Variants in SKIL observed in about 807,000 individuals in gnomAD.
SKIL encodes SKI like proto-oncogene, also known as ski-like protein.
SKIL carries 20 observed loss-of-function variants against 69.6 expected under a neutral mutation model. That is an observed-to-expected ratio of 0.29 (90% CI 0.20 to 0.42). The LOEUF (loss-of-function observed/expected upper bound fraction) is 0.42. Ranked by LOEUF, SKIL falls within the 10% of genes least tolerant of loss-of-function variation. The pLI, the probability that SKIL is intolerant of heterozygous loss-of-function variation, is 1.00. For synonymous variants in SKIL, 310 were observed against 279.9 expected, an observed-to-expected ratio of 1.11 and a Z score of -1.08; for missense variants, 745 against 783.1, an observed-to-expected ratio of 0.95 and a Z score of 0.58.
Position 170,392,398 on chromosome 3 carries a change from C to T in SKIL, c.2036C>T (p.Ser679Leu). The T allele has an allele frequency of 6.2e-7, 1 of 1,609,992 alleles. No homozygotes were observed. The highest frequency in any genetic ancestry group is 1.1e-5 in the South Asian group (1 of 90,608). ...CTAAAGCTGCAAATTCTGAAATCATCAAAGACTGCTAAAGAATAGAAACTG... is the reference window on the plus strand; with the variant it reads ...CTAAAGCTGCAAATTCTGAAATCATTAAAGACTGCTAAAGAATAGAAACTG... ...KELKLQILKSSKTAKE is the reference protein window; with the variant it reads ...KELKLQILKSLKTAKE Residue 679 changes from serine to leucine, a missense_variant, in exon 7 of 7, where the codon TCA becomes TTA. By Grantham distance (145) the Ser-to-Leu change is moderately radical (BLOSUM62 -2). Transcript: ENST00000259119.
Position 170,384,555 on chromosome 3 carries a change from A to C in SKIL, c.1219A>C (p.Lys407Gln). Residue 407 changes from lysine to glutamine, a missense_variant, in exon 4 of 7, where the codon AAA becomes CAA. Lys to Gln is a moderately conservative substitution (Grantham distance 53, BLOSUM62 1). Coordinates refer to ENST00000259119, the MANE Select transcript of SKIL (RefSeq NM_005414.5). The part of the protein sequence containing the change: ...HPSYYLYMCD[K>Q]VVAPNVSLTS... Reference sequence around the variant, plus strand: ...CAGCTACTACTTATACATGTGTGATAAAGTGGTTGCCCCAAATGTGTCACT... The same window carrying C: ...CAGCTACTACTTATACATGTGTGATCAAGTGGTTGCCCCAAATGTGTCACT... The C allele has an allele frequency of 6.3e-7, 1 of 1,598,082 alleles. No homozygotes were observed. Among genetic ancestry groups the C allele is most frequent in the Non-Finnish European group, 8.6e-7 (1 of 1,167,356 alleles).
At chr3:170,392,044 G>A (rs1737952088) in intron 6 of SKIL, among the ~76,000 whole-genome samples, 5 of 152,172 alleles carry the variant, frequency 3.3e-5, no homozygotes, top group Admixed American at 2.6e-4. Flanking sequence ...ACATGAACAT[G>A]CTGGATGTGT....
At chr3:170,377,963 G>T (rs557504003) in intron 2 of SKIL, among the ~76,000 whole-genome samples, 1 of 151,216 alleles carries the variant, frequency 6.6e-6, no homozygotes, top group South Asian at 2.1e-4. Context: ...GCGCCGTCTC[G>T]GCTCACTGCA....
intron 2 of SKIL, among the ~76,000 whole-genome samples, chr3:170,369,309 G>A (rs1577417178): frequency 6.6e-6 from 1 of 152,116 alleles, no homozygotes; most frequent in Non-Finnish European, 1.5e-5. Context: ...TTCAGAGTAG[G>A]CCTGGATCAT....
intron 4 of SKIL, among the ~76,000 whole-genome samples, chr3:170,385,439 TAAG>T (rs1367670568): frequency 2.0e-5 from 3 of 151,920 alleles, no homozygotes; most frequent in Admixed American, 6.6e-5. Flanking sequence ...CATTTAATAA[TAAG>T]AAGTATTATG....
In SKIL at chr3:170,388,457, C is replaced by CT. The variant is rs199989339; in HGVS notation, c.1430-1756dup. On this transcript the variant is annotated intron_variant, in intron 4 of 6. Coordinates refer to ENST00000259119, the MANE Select transcript of SKIL (RefSeq NM_005414.5). The stretch of plus-strand genomic sequence containing the variant: ...TTCTTTTTACTTTCTTGTTAGTGTT[C>CT]TTTTTTTTTTCCTGAGACAAAGTCT... Among the ~76,000 whole-genome samples the CT allele has an allele frequency of 3.3e-4, 49 of 149,062 alleles. No individual in the cohort carries two copies. In the East Asian group the frequency reaches 4.9e-3, roughly 15 times the overall value.
At chr3:170,381,411 T>C in intron 3 of SKIL, 70 bp downstream of exon 3, 1 of 784,018 alleles carries the variant, frequency 1.3e-6, no homozygotes, top group Non-Finnish European at 2.3e-6. Context: ...CATGCACTAT[T>C]CTAGGACATG....
intron 2 of SKIL, among the ~76,000 whole-genome samples, chr3:170,373,488 T>C (rs1382856102): frequency 6.6e-6 from 1 of 152,172 alleles, no homozygotes; most frequent in African/African-American, 2.4e-5. Context: ...TTCCGGCTCA[T>C]ATATTTGTAA....
At chr3:170,389,599 C>A (rs1577447053) in intron 4 of SKIL, among the ~76,000 whole-genome samples, 2 of 152,268 alleles carry the variant, frequency 1.3e-5, no homozygotes, top group East Asian at 1.9e-4. Flanking sequence ...CAGGCGTGAG[C>A]CACCGCGCCT....
intron 3 of SKIL, among the ~76,000 whole-genome samples, chr3:170,382,779 T>C (rs1442309692): frequency 5.0e-5 from 7 of 140,692 alleles, no homozygotes; most frequent in Non-Finnish European, 9.1e-5. Flanking sequence ...AGTGCAATGG[T>C]ATGATCTCGG....
chr3:170,376,880 A>G (rs1021857173), intron 2 of SKIL, among the ~76,000 whole-genome samples: 2 of 152,320 alleles, frequency 1.3e-5, no homozygotes, highest in Non-Finnish European at 2.9e-5. Context: ...GCGCCTGGCC[A>G]ACTCAAGATT....
chr3:170,365,929 T>A (rs1736485416), intron 2 of SKIL, among the ~76,000 whole-genome samples: 2 of 152,022 alleles, frequency 1.3e-5, no homozygotes, highest in African/African-American at 4.8e-5. Context: ...CTAATTTTTT[T>A]ATTTTTAGTC....
rs1738021616 is a variant in SKIL at position 170,393,355 on chromosome 3, G to C, written c.*938G>C. 1 of 152,002 alleles carries C rather than the reference G, an allele frequency of 6.6e-6. No homozygotes were observed. Among genetic ancestry groups the C allele is most frequent in the African/African-American group, 2.4e-5 (1 of 41,394 alleles). The allele number at this position is 152,002 out of a possible 1,614,324, so 9.4% of individuals were successfully genotyped here. ...GTTGTAAAATGTTAAACACCTTGAAGGTTATTTTGGACTTCTGTATGTTTA... is the reference window on the plus strand; with the variant it reads ...GTTGTAAAATGTTAAACACCTTGAACGTTATTTTGGACTTCTGTATGTTTA... On this transcript the variant is annotated 3_prime_UTR_variant, in exon 7 of 7. Transcript: ENST00000259119.
chr3:170,383,277 CTAT>C (rs1393162527), intron 3 of SKIL, among the ~76,000 whole-genome samples: 1 of 152,060 alleles, frequency 6.6e-6, no homozygotes, highest in Non-Finnish European at 1.5e-5. Context: ...CTTTTGAGCC[CTAT>C]TAAACCTGTC....
chr3:170,381,461 C>G (rs868767999), intron 3 of SKIL, 120 bp downstream of exon 3: 2 of 609,112 alleles, frequency 3.3e-6, no homozygotes, highest in Non-Finnish European at 6.0e-6. Context: ...GTGGCAGAGT[C>G]TTGCTCTGTT....
chr3:170,369,006 A>G (rs1188959065), intron 2 of SKIL, among the ~76,000 whole-genome samples: 1 of 151,744 alleles, frequency 6.6e-6, no homozygotes, highest in Non-Finnish European at 1.5e-5. Context: ...CGACTTTTAT[A>G]ATAACTTCAG....
In SKIL at chr3:170,396,546, T is replaced by C. The variant is rs1738196537; in HGVS notation, c.*4129T>C. ...ATTAAAGTTAAAATTTTGCCAATGA[T>C]GTACAGTTTTATGGTTAAAGTTGCT... On this transcript the variant is annotated 3_prime_UTR_variant, in exon 7 of 7. Coordinates refer to ENST00000259119, the MANE Select transcript of SKIL (RefSeq NM_005414.5). The C allele has an allele frequency of 6.6e-6, 1 of 152,242 alleles. No homozygotes were observed. Among genetic ancestry groups the C allele is most frequent in the Non-Finnish European group, 1.5e-5 (1 of 68,036 alleles). 9.4% of individuals were successfully genotyped at this position (152,242 alleles called of 1,614,324 possible). A position where few individuals can be genotyped will look rare whatever the true frequency, so the allele number is the denominator to read the frequency against.
chr3:170,390,281 C>T lies in SKIL; in HGVS notation c.1488C>T (p.Asn496=). 1 of 1,612,982 alleles carries T rather than the reference C, an allele frequency of 6.2e-7. No homozygotes were observed. The highest frequency in any genetic ancestry group is 8.5e-7 in the Non-Finnish European group (1 of 1,179,020). The change falls in exon 5 of 7, where the codon AAC becomes AAT. Residue 496 remains asparagine, a synonymous_variant. Coordinates refer to ENST00000259119, the MANE Select transcript of SKIL (RefSeq NM_005414.5). ...GGAAATCTGAGTCTGCCACTTGCAA[C>T]TTAGTCAGAGACATAAACAAAGTGG... ...SKRKSESATC[N]LVRDINKVGI... is the part of the protein sequence containing the mutation.
rs771420027 is a variant in SKIL, at chr3:170,394,827, A to G, written c.*2410A>G. ...CTGCAACACATAGCTTCAAAACAAT[A>G]TAGAGATTTTGTAATACCTTATAAG... On this transcript the variant is annotated 3_prime_UTR_variant, in exon 7 of 7. Transcript: ENST00000259119. 2 of 152,218 alleles carry G rather than the reference A, an allele frequency of 1.3e-5. No homozygotes were observed. The highest frequency in any genetic ancestry group is 2.9e-5 in the Non-Finnish European group (2 of 68,030). 9.4% of individuals were successfully genotyped at this position (152,218 alleles called of 1,614,324 possible).
Sources: allele counts gnomAD v4.1 joint callset (sites outside exome capture counted in the v4.1 genomes callset), GRCh38; gene constraint gnomAD v4.1.1; transcripts MANE v1.5; gene names NCBI Gene and HGNC (gene_info 2026-07-23, HGNC 2026-07-21).